Variants in MAPK8IP3 observed in about 807,000 individuals in gnomAD.
MAPK8IP3 encodes mitogen-activated protein kinase 8 interacting protein 3.
MAPK8IP3 carries 49 observed loss-of-function variants against 157.8 expected under a neutral mutation model. That is an observed-to-expected ratio of 0.31 (90% CI 0.25 to 0.39). MAPK8IP3 has a LOEUF of 0.39. Among genes scored for constraint, MAPK8IP3 ranks in the 10% least tolerant of loss-of-function variants. The probability of loss-of-function intolerance (pLI) is 1.00; values close to 1 mark genes in which losing one functional copy is unlikely to be tolerated. For missense variants in MAPK8IP3, 1,478 were observed against 1,889.4 expected, an observed-to-expected ratio of 0.78 and a Z score of 4.04; for synonymous variants, 897 against 777.7, an observed-to-expected ratio of 1.15 and a Z score of -2.55.
Position 1,729,217 on chromosome 16 carries a change from C to T in MAPK8IP3, c.510+9C>T. ...ACCAGCGGCACACAGAGGTGGGCGC[C>T]CAGAGGCAAGCGCGGAGACGAGGGT... On this transcript the variant is annotated intron_variant, in intron 3 of 31. Coordinates refer to ENST00000610761, the MANE Select transcript of MAPK8IP3 (RefSeq NM_001318852.2). 6.2e-7 allele frequency: 1 copy of T among 1,613,742 alleles called. No homozygotes were observed. Among genetic ancestry groups the T allele is most frequent in the Non-Finnish European group, 8.5e-7 (1 of 1,179,980 alleles).
At chr16:1,715,714 A>G (rs1208711912) in intron 1 of MAPK8IP3, among the ~76,000 whole-genome samples, 1 of 151,806 alleles carries the variant, frequency 6.6e-6, no homozygotes, top group East Asian at 1.9e-4. Flanking sequence ...TAACAAACGT[A>G]TGAGAGGAGA....
At chr16:1,761,327 C>T in intron 13 of MAPK8IP3, 22 bp downstream of exon 13, 3 of 1,603,522 alleles carry the variant, frequency 1.9e-6, no homozygotes, top group Non-Finnish European at 2.6e-6. Flanking sequence ...CTTCACTCTT[C>T]ACATGCGGGG....
Position 1,729,184 on chromosome 16 carries a change from T to C in MAPK8IP3, c.486T>C (p.Asn162=). The change falls in exon 3 of 32, where the codon AAT becomes AAC. Residue 162 remains asparagine (N), a synonymous_variant. Transcript: ENST00000610761. ...AGTCGGAGATGAAGAAGGAGTACAA[T>C]GCCCTGCACCAGCGGCACACAGAGG... ...ERESEMKKEY[N]ALHQRHTEMI... 1 of 1,613,956 alleles carries C rather than the reference T, an allele frequency of 6.2e-7. No individual in the cohort carries two copies. Among genetic ancestry groups the C allele is most frequent in the Non-Finnish European group, 8.5e-7 (1 of 1,180,002 alleles).
At position 1,754,056 on chromosome 16, in the gene MAPK8IP3, C is replaced by A. The variant is rs562579853; in HGVS notation, c.1217-4092C>A. Among the ~76,000 whole-genome samples, 11 of 151,840 alleles carry A rather than the reference C, an allele frequency of 7.2e-5. No individual in the cohort carries two copies. The East Asian group carries it at 2.2e-3, about 30-fold the overall frequency. On this transcript the variant is annotated intron_variant, in intron 8 of 31. Transcript: ENST00000610761. ...AGTGCAGTGGCAGGTACCTGTAATC[C>A]CAGCTACTTGGGAGACTGAGGCAGG...
intron 5 of MAPK8IP3, 113 bp from the exon 6 acceptor site, chr16:1,746,916 G>A (rs1050652094): frequency 1.7e-5 from 23 of 1,317,384 alleles, no homozygotes; most frequent in East Asian, 5.1e-5. Context: ...GCAGGGTGTC[G>A]GGCGAGGCAA....
At chr16:1,717,551 G>A (rs775811836) in intron 1 of MAPK8IP3, among the ~76,000 whole-genome samples, 1 of 152,196 alleles carries the variant, frequency 6.6e-6, no homozygotes, top group African/African-American at 2.4e-5. Flanking sequence ...CACTAGACTC[G>A]GTTAGATAGG....
At chr16:1,731,676 A>G (rs2141748043) in intron 4 of MAPK8IP3, among the ~76,000 whole-genome samples, 1 of 152,356 alleles carries the variant, frequency 6.6e-6, no homozygotes, top group East Asian at 1.9e-4. Context: ...TCCTGTTAGT[A>G]GGGTGGCCAG....
intron 5 of MAPK8IP3, 28 bp from the exon 6 acceptor site, chr16:1,747,001 T>G (rs751670262): frequency 6.2e-7 from 1 of 1,608,944 alleles, no homozygotes; most frequent in Non-Finnish European, 8.5e-7. Flanking sequence ...AGTGACTCGC[T>G]CTCCCTCCTC....
At chr16:1,736,263 AGC>A (rs1157409635) in intron 4 of MAPK8IP3, among the ~76,000 whole-genome samples, 1 of 42,750 alleles carries the variant, frequency 2.3e-5, no homozygotes, top group Non-Finnish European at 4.4e-5. Flanking sequence ...TGTCCGTGTG[AGC>A]GTGTGACCAT....
At position 1,769,434 on chromosome 16, in the gene MAPK8IP3, TG is replaced by T. The variant is rs1247849407; in HGVS notation, c.*612del. The T allele has an allele frequency of 6.5e-6, 1 of 153,658 alleles. No individual in the cohort carries two copies. Among genetic ancestry groups the T allele is most frequent in the Non-Finnish European group, 1.4e-5 (1 of 68,970 alleles). 9.5% of individuals were successfully genotyped at this position (153,658 alleles called of 1,614,324 possible). ...CCCAGCTGTCCCCTGCCCAGGGAGC[TG>T]GCATAAAAGCACGAGGCCCGGCTCC... On this transcript the variant is annotated 3_prime_UTR_variant, in exon 32 of 32. Coordinates refer to ENST00000610761, the MANE Select transcript of MAPK8IP3 (RefSeq NM_001318852.2).
Position 1,754,841 on chromosome 16 carries a change from G to A in MAPK8IP3, c.1217-3307G>A, listed in dbSNP as rs550167463. 3.3e-5 allele frequency among the ~76,000 whole-genome samples: 5 copies of A among 152,200 alleles called. No individual in the cohort carries two copies. The South Asian group carries it at 8.3e-4, about 25-fold the overall frequency. On this transcript the variant is annotated intron_variant, in intron 8 of 31. Transcript: ENST00000610761. ...CTGTGTAAGATTCAGAAGCACCATT[G>A]AAAGACATAAAAGAAGCTGTACACG...
chr16:1,758,574 C>T (rs1299862365), intron 9 of MAPK8IP3, among the ~76,000 whole-genome samples: 1 of 152,228 alleles, frequency 6.6e-6, no homozygotes, highest in African/African-American at 2.4e-5. Context: ...CCGAGTCCTG[C>T]TCTCTGGCTG....
chr16:1,760,689 A>G (rs973052940), intron 12 of MAPK8IP3, among the ~76,000 whole-genome samples, 157 bp downstream of exon 12: 17 of 152,200 alleles, frequency 1.1e-4, no homozygotes, highest in Non-Finnish European at 2.1e-4. Flanking sequence ...CCCAACCAGC[A>G]GAGTGGGGCC....
chr16:1,708,744 G>A (rs534271921), intron 1 of MAPK8IP3, among the ~76,000 whole-genome samples: 7 of 152,148 alleles, frequency 4.6e-5, no homozygotes, highest in African/African-American at 9.6e-5. Context: ...GCCGAGCCCC[G>A]AAGCCAGCCA....
intron 16 of MAPK8IP3, among the ~76,000 whole-genome samples, chr16:1,763,331 G>A (rs559129356): frequency 2.0e-5 from 3 of 152,266 alleles, no homozygotes; most frequent in African/African-American, 4.8e-5. Flanking sequence ...GGGAGTCGCT[G>A]GTCATGCCTG....
At chr16:1,708,400 C>A (rs936143660) in intron 1 of MAPK8IP3, among the ~76,000 whole-genome samples, 5 of 152,244 alleles carry the variant, frequency 3.3e-5, no homozygotes, top group South Asian at 2.1e-4. Flanking sequence ...CACTCAGTGG[C>A]CTGACCTGGA....
At chr16:1,731,119 G>A (rs1198200384) in intron 4 of MAPK8IP3, among the ~76,000 whole-genome samples, 5 of 152,144 alleles carry the variant, frequency 3.3e-5, no homozygotes, top group African/African-American at 9.7e-5. Flanking sequence ...CAGCCTGGGC[G>A]ACAGAGAGTC....
Position 1,747,279 on chromosome 16 carries a change from G to A in MAPK8IP3, c.994+4G>A. 3 of 1,610,896 alleles carry A rather than the reference G, an allele frequency of 1.9e-6. No individual in the cohort carries two copies. The highest frequency in any genetic ancestry group is 2.5e-6 in the Non-Finnish European group (3 of 1,177,930). ...GAGATGCGCAACGTCAGTATAGGTGGGTGCCCACCTCCGGGACTCTGGGCT... is the reference window on the plus strand; with the variant it reads ...GAGATGCGCAACGTCAGTATAGGTGAGTGCCCACCTCCGGGACTCTGGGCT... On this transcript the variant is annotated splice_donor_region_variant and intron_variant, in intron 6 of 31. Transcript: ENST00000610761.
At position 1,738,389 on chromosome 16, in the gene MAPK8IP3, C is replaced by G. The variant is rs111208271; in HGVS notation, c.603-4943C>G. Among the ~76,000 whole-genome samples the G allele has an allele frequency of 3.5e-5, 2 of 57,134 alleles. 1 individual carries two copies. The highest frequency in any genetic ancestry group is 5.2e-4 in the Admixed American group (2 of 3,828). The allele number at this position is 57,134 out of a possible 152,430, so 37.5% of individuals were successfully genotyped here. A position where few individuals can be genotyped will look rare whatever the true frequency, so the allele number is the denominator to read the frequency against. On this transcript the variant is annotated intron_variant, in intron 4 of 31. Coordinates refer to ENST00000610761, the MANE Select transcript of MAPK8IP3 (RefSeq NM_001318852.2). ...GAGTGTGACCATCCATGTGAGCATC[C>G]GTGTGACCGTGTGAGCGTCCGTGTG... is the stretch of plus-strand genomic sequence containing the variant.
Sources: gnomAD v4.1 joint callset for allele counts (sites outside exome capture counted in the v4.1 genomes callset) on GRCh38, gnomAD v4.1.1 for gene constraint, MANE v1.5 for transcripts, NCBI Gene and HGNC (gene_info 2026-07-23, HGNC 2026-07-21) for gene names.